The following PAG1 variants were observed in gnomAD, a reference collection of about 807,000 sequenced individuals.
The protein encoded by PAG1 is phosphoprotein associated with glycosphingolipid-enriched microdomains 1.
A neutral mutation model predicts 31.7 loss-of-function variants in PAG1; 23 were observed. The ratio of observed to expected loss-of-function variants is 0.73; its 90% CI spans 0.52 to 1.03. The LOEUF (loss-of-function observed/expected upper bound fraction) is 1.03, where lower values mean the gene tolerates loss of function less well. Among genes scored for constraint, PAG1 ranks in the 50% least tolerant of loss-of-function variants. PAG1 has a pLI of 0.00. For missense variants in PAG1, 473 were observed against 540.7 expected (o/e 0.87, Z 1.24); for synonymous variants, 214 against 210.3 (o/e 1.02, Z -0.15).
In PAG1 at chr8:81,081,124, T is replaced by C. The variant is rs576301274; in HGVS notation, c.-233-10954A>G. Among the ~76,000 whole-genome samples, 206 of 152,160 alleles carry C rather than the reference T, an allele frequency of 1.4e-3. 1 individual carries two copies. Among genetic ancestry groups the C allele is most frequent in the African/African-American group, 4.4e-3 (182 of 41,532 alleles). ...CAATAATGCTGACCTCACACGGTGT[T>C]TAGGAGTTAACAAATATTATCTATT... On this transcript the variant is annotated intron_variant, in intron 1 of 8. Transcript: ENST00000220597.
intron 1 of PAG1, among the ~76,000 whole-genome samples, chr8:81,103,688 G>C (rs1586221900): frequency 1.3e-5 from 2 of 152,286 alleles, no homozygotes; most frequent in South Asian, 4.1e-4. Context: ...TGAGCCGAAA[G>C]TCTCATTAAT....
rs1807031265 is a variant in PAG1 at position 80,969,442 on chromosome 8, T to C, written c.*7102A>G. The C allele has an allele frequency of 1.3e-5, 2 of 152,028 alleles. No homozygotes were observed. The highest frequency in any genetic ancestry group is 4.8e-5 in the African/African-American group (2 of 41,390). The allele number at this position is 152,028 out of a possible 1,614,324, so 9.4% of individuals were successfully genotyped here. The stretch of plus-strand genomic sequence containing the variant: ...AGCCTTCACTACCTAAATGAGGAGC[T>C]AAAGATTAAAAAAAAAATTCTCTTT... On this transcript the variant is annotated 3_prime_UTR_variant, in exon 9 of 9. Transcript: ENST00000220597.
chr8:81,050,535 T>A (rs1353084903), intron 2 of PAG1, among the ~76,000 whole-genome samples: 1 of 151,980 alleles, frequency 6.6e-6, no homozygotes, highest in Non-Finnish European at 1.5e-5. Context: ...GTAGCTGTCA[T>A]AAAATGCCAT....
At chr8:81,034,608 GTGT>G (rs1012132893) in intron 2 of PAG1, among the ~76,000 whole-genome samples, 1 of 152,220 alleles carries the variant, frequency 6.6e-6, no homozygotes, top group Admixed American at 6.5e-5. Flanking sequence ...TCTCTGAGAA[GTGT>G]TGTTAAATTT....
chr8:81,100,347 G>A (rs1444374346), intron 1 of PAG1, among the ~76,000 whole-genome samples: 33 of 152,170 alleles, frequency 2.2e-4, no homozygotes, highest in Admixed American at 1.8e-3. Flanking sequence ...TTTCGTTTGC[G>A]TAAAAAATAT....
rs1807008268 is a variant in PAG1, at chr8:80,968,382, T to C, written c.*8162A>G. 6.6e-6 allele frequency: 1 copy of C among 152,236 alleles called. No homozygotes were observed. The highest frequency in any genetic ancestry group is 2.4e-5 in the African/African-American group (1 of 41,466). 9.4% of individuals were successfully genotyped at this position (152,236 alleles called of 1,614,324 possible). ...GCTCGAGGTCACATAGTAAAGTCAA[T>C]GCTGGAACAGGGACCACAGCCCTGT... On this transcript the variant is annotated 3_prime_UTR_variant, in exon 9 of 9. Transcript: ENST00000220597.
intron 1 of PAG1, among the ~76,000 whole-genome samples, chr8:81,079,720 T>TTAC (rs1241493715): frequency 6.6e-6 from 1 of 152,026 alleles, no homozygotes; most frequent in Admixed American, 6.6e-5. Flanking sequence ...CTTATTATTA[T>TTAC]TATTATTATG....
intron 3 of PAG1, 62 bp from the exon 4 acceptor site, chr8:80,993,369 C>T (rs527264190): frequency 2.0e-5 from 17 of 831,874 alleles, no homozygotes; most frequent in East Asian, 2.8e-5. Flanking sequence ...ATCTGTAATT[C>T]GGTCCCTGTC....
At chr8:81,097,525 G>A (rs964918967) in intron 1 of PAG1, among the ~76,000 whole-genome samples, 2 of 152,140 alleles carry the variant, frequency 1.3e-5, no homozygotes, top group Admixed American at 6.5e-5. Context: ...TAAGACTTGT[G>A]AGAAAGTTAT....
At chr8:81,073,827 T>C (rs116106844) in intron 1 of PAG1, among the ~76,000 whole-genome samples, 4,087 of 152,124 alleles carry the variant, frequency 0.027, 181 homozygotes, top group African/African-American at 0.093. Context: ...AGGGACTGCC[T>C]GGGGAGTGGG....
At chr8:80,991,059 A>G (rs2130487704) in intron 5 of PAG1, among the ~76,000 whole-genome samples, 1 of 152,322 alleles carries the variant, frequency 6.6e-6, no homozygotes, top group Non-Finnish European at 1.5e-5. Context: ...TGATGCCTGT[A>G]CAAACCAAGT....
intron 1 of PAG1, among the ~76,000 whole-genome samples, chr8:81,081,291 A>G (rs1283457303): frequency 6.6e-6 from 1 of 152,046 alleles, no homozygotes; most frequent in Non-Finnish European, 1.5e-5. Context: ...TTCTTTATAT[A>G]TGATATAGCA....
chr8:80,992,005 T>C (rs1563620347), intron 4 of PAG1, among the ~76,000 whole-genome samples: 1 of 152,094 alleles, frequency 6.6e-6, no homozygotes, highest in Non-Finnish European at 1.5e-5. Context: ...TTCCAGTCTA[T>C]GGGAAAGTCT....
At chr8:81,041,171 G>T (rs1182723269) in intron 2 of PAG1, among the ~76,000 whole-genome samples, 2 of 152,002 alleles carry the variant, frequency 1.3e-5, no homozygotes, top group Middle Eastern at 3.2e-3. Flanking sequence ...AAATATAGGA[G>T]CAGCCTCCAC....
intron 4 of PAG1, among the ~76,000 whole-genome samples, chr8:80,992,869 A>G (rs1807580538): frequency 6.6e-6 from 1 of 152,344 alleles, no homozygotes; most frequent in East Asian, 1.9e-4. Flanking sequence ...GAAGTTTAAA[A>G]TATAAGGGCT....
chr8:81,084,940 CA>C (rs1293838195), intron 1 of PAG1, among the ~76,000 whole-genome samples: 1 of 151,956 alleles, frequency 6.6e-6, no homozygotes, highest in Admixed American at 6.6e-5. Flanking sequence ...TTTTACAGTT[CA>C]ACATGAAAGG....
rs189742445 is a variant in PAG1, at chr8:81,084,020, G to A, written c.-233-13850C>T. ...ACTGCACTCCAGCATGGGCAACAGA[G>A]CGAGACTCCATCTTAGAAAAAAAAA... On this transcript the variant is annotated intron_variant, in intron 1 of 8. Transcript: ENST00000220597. Among the ~76,000 whole-genome samples the A allele has an allele frequency of 1.4e-3, 215 of 151,172 alleles. 1 individual carries two copies. The highest frequency in any genetic ancestry group is 5.1e-3 in the African/African-American group (209 of 40,770).
At position 80,984,818 on chromosome 8, in the gene PAG1, C is replaced by T. The variant is rs1807380281; in HGVS notation, c.834G>A (p.Glu278=). 1.9e-6 allele frequency: 3 copies of T among 1,614,126 alleles called. No individual in the cohort carries two copies. The highest frequency in any genetic ancestry group is 2.5e-6 in the Non-Finnish European group (3 of 1,179,984). Residue 278 remains glutamate, a synonymous_variant, in exon 7 of 9, where the codon GAG becomes GAA. Transcript: ENST00000220597. ...NENLQEKEGG[E]AEESATDTTS... is the part of the protein sequence containing the mutation. ...TCGTGTCTGTGGCACTCTCTTCCGC[C>T]TCTCCCCCTTCCTTCTCCTGAAGGT...
intron 2 of PAG1, among the ~76,000 whole-genome samples, chr8:81,035,522 T>C (rs1448458569): frequency 6.6e-6 from 1 of 151,530 alleles, no homozygotes; most frequent in Non-Finnish European, 1.5e-5. Flanking sequence ...ACAGAGAGAG[T>C]ATAATTAGTG....
Sources: allele counts gnomAD v4.1 joint callset (sites outside exome capture counted in the v4.1 genomes callset), GRCh38; gene constraint gnomAD v4.1.1; transcripts MANE v1.5; gene names NCBI Gene and HGNC (gene_info 2026-07-23, HGNC 2026-07-21).